GPC5: variants seen among roughly 807,000 people sequenced by gnomAD.
GPC5 encodes glypican 5.
In GPC5, 47 loss-of-function variants were observed where a neutral mutation model predicts 53.9. That is an observed-to-expected ratio of 0.87 (90% CI 0.69 to 1.11). The LOEUF (loss-of-function observed/expected upper bound fraction) is 1.11. Ranked by LOEUF, GPC5 falls within the 50% of genes most tolerant of loss-of-function variation. The pLI, the probability that GPC5 is intolerant of heterozygous loss-of-function variation, is 0.00. For missense variants in GPC5, 748 were observed against 713.1 expected, an observed-to-expected ratio of 1.05 and a Z score of -0.56; for synonymous variants, 286 against 263.3, an observed-to-expected ratio of 1.09 and a Z score of -0.84.
intron 7 of GPC5, among the ~76,000 whole-genome samples, chr13:92,548,153 T>C (rs1205914855): frequency 6.6e-6 from 1 of 151,960 alleles, no homozygotes; most frequent in Non-Finnish European, 1.5e-5. Flanking sequence ...CTATTATTCT[T>C]TTAAAATTGA....
intron 1 of GPC5, among the ~76,000 whole-genome samples, chr13:91,428,210 C>T (rs921818215): frequency 3.3e-5 from 5 of 152,156 alleles, no homozygotes; most frequent in African/African-American, 1.2e-4. Flanking sequence ...GTTCTTGTCT[C>T]ATGACCAAGA....
intron 7 of GPC5, among the ~76,000 whole-genome samples, chr13:92,700,143 ATTC>A (rs1322833016): frequency 1.3e-5 from 2 of 151,568 alleles, no homozygotes; most frequent in African/African-American, 2.4e-5. Flanking sequence ...TGGATAGTTA[ATTC>A]TTCTTGTTGC....
chr13:92,255,788 GT>G (rs1194799395), intron 7 of GPC5, among the ~76,000 whole-genome samples: 1 of 151,984 alleles, frequency 6.6e-6, no homozygotes, highest in Non-Finnish European at 1.5e-5. Context: ...GTTGCTTTCA[GT>G]TTTGTCATTA....
chr13:92,033,856 C>T (rs1406066383), intron 6 of GPC5, among the ~76,000 whole-genome samples: 1 of 152,112 alleles, frequency 6.6e-6, no homozygotes, highest in Non-Finnish European at 1.5e-5. Flanking sequence ...ATTTACAAGG[C>T]ATGAAACAAG....
intron 2 of GPC5, among the ~76,000 whole-genome samples, chr13:91,663,147 G>A (rs185589103): frequency 3.3e-5 from 5 of 152,324 alleles, no homozygotes; most frequent in Admixed American, 3.3e-4. Context: ...ATTCTCTCCA[G>A]TACTTAGTTC....
intron 7 of GPC5, among the ~76,000 whole-genome samples, chr13:92,158,177 G>A (rs60116075): frequency 0.012 from 1,792 of 152,242 alleles, 38 homozygotes; most frequent in African/African-American, 0.04. Context: ...AAGTATCAGT[G>A]TTTTCAGGGA....
At chr13:91,646,429 C>G (rs1048533539) in intron 2 of GPC5, among the ~76,000 whole-genome samples, 20 of 151,538 alleles carry the variant, frequency 1.3e-4, no homozygotes, top group Non-Finnish European at 2.9e-5. Flanking sequence ...ATTTATACAT[C>G]AGAAAATTAA....
intron 6 of GPC5, among the ~76,000 whole-genome samples, chr13:91,957,474 A>C (rs1414715529): frequency 2.6e-5 from 4 of 152,168 alleles, no homozygotes; most frequent in African/African-American, 7.2e-5. Context: ...GGAAGCTCGG[A>C]GATCCCCAAA....
At chr13:92,532,494 T>A (rs1053807595) in intron 7 of GPC5, among the ~76,000 whole-genome samples, 2 of 152,268 alleles carry the variant, frequency 1.3e-5, no homozygotes, top group Non-Finnish European at 2.9e-5. Flanking sequence ...AATATCCAAA[T>A]GTAGGTTACT....
At chr13:92,379,210 G>A (rs947596040) in intron 7 of GPC5, among the ~76,000 whole-genome samples, 9 of 152,140 alleles carry the variant, frequency 5.9e-5, no homozygotes, top group Admixed American at 4.6e-4. Flanking sequence ...TGATGTATGC[G>A]AGGCAGAGAT....
chr13:92,848,162 A>G (rs573234298), intron 7 of GPC5, among the ~76,000 whole-genome samples: 7 of 152,264 alleles, frequency 4.6e-5, no homozygotes, highest in Admixed American at 3.9e-4. Context: ...TAAAAATCAT[A>G]TTTCTGTCCT....
chr13:92,678,369 G>A (rs1375582366), intron 7 of GPC5, among the ~76,000 whole-genome samples: 1 of 152,150 alleles, frequency 6.6e-6, no homozygotes. Context: ...CGCATAAAGA[G>A]TTCTGGACAT....
At chr13:91,847,511 T>TA (rs897129726) in intron 5 of GPC5, among the ~76,000 whole-genome samples, 6 of 152,160 alleles carry the variant, frequency 3.9e-5, no homozygotes, top group African/African-American at 1.4e-4. Context: ...TGCTGAGTGT[T>TA]ACATTTCTGG....
At chr13:91,963,587 C>T (rs1466999712) in intron 6 of GPC5, among the ~76,000 whole-genome samples, 1 of 152,022 alleles carries the variant, frequency 6.6e-6, no homozygotes, top group South Asian at 2.1e-4. Context: ...TACTTTACAG[C>T]AGTTAGACAC....
intron 2 of GPC5, among the ~76,000 whole-genome samples, chr13:91,456,426 A>G (rs1881557940): frequency 6.6e-6 from 1 of 152,010 alleles, no homozygotes; most frequent in Non-Finnish European, 1.5e-5. Flanking sequence ...CTTTTAAAAG[A>G]GAACCAATTT....
At chr13:91,433,157 G>GT (rs200228305) in intron 1 of GPC5, among the ~76,000 whole-genome samples, 33 of 147,434 alleles carry the variant, frequency 2.2e-4, no homozygotes, top group South Asian at 4.3e-4. Flanking sequence ...TTTTTCTTAA[G>GT]TTTTTTTTTT....
At chr13:91,415,336 T>A (rs1326113857) in intron 1 of GPC5, among the ~76,000 whole-genome samples, 1 of 152,204 alleles carries the variant, frequency 6.6e-6, no homozygotes, top group Non-Finnish European at 1.5e-5. Context: ...TAGACGCTTG[T>A]GGAGCAGGGT....
At chr13:92,186,495 A>G (rs2042184735) in intron 7 of GPC5, among the ~76,000 whole-genome samples, 1 of 152,026 alleles carries the variant, frequency 6.6e-6, no homozygotes, top group African/African-American at 2.4e-5. Flanking sequence ...TTCTATAATA[A>G]AATATATTAA....
intron 7 of GPC5, among the ~76,000 whole-genome samples, chr13:92,509,038 T>G (rs1880472599): frequency 6.6e-6 from 1 of 152,120 alleles, no homozygotes; most frequent in Non-Finnish European, 1.5e-5. Context: ...CTAAAAAGAA[T>G]GACAGACCAT....
Sources: gnomAD v4.1 joint callset for allele counts (sites outside exome capture counted in the v4.1 genomes callset) on GRCh38, gnomAD v4.1.1 for gene constraint, MANE v1.5 for transcripts, NCBI Gene and HGNC (gene_info 2026-07-23, HGNC 2026-07-21) for gene names.